The following CTBP2 variants were observed in gnomAD, a reference collection of about 807,000 sequenced individuals.
CTBP2 encodes the protein C-terminal-binding protein 2.
In CTBP2, 30 loss-of-function variants were observed where a neutral mutation model predicts 80.3. The observed-to-expected ratio is 0.37, with a 90% confidence interval of 0.28 to 0.51. The LOEUF is 0.51. Ranked by LOEUF, CTBP2 falls within the 20% of genes least tolerant of loss-of-function variation. CTBP2 has a pLI of 0.93. For synonymous variants in CTBP2, 594 were observed against 587.4 expected, an observed-to-expected ratio of 1.01 and a Z score of -0.16; for missense variants, 1,212 against 1,375.3, an observed-to-expected ratio of 0.88 and a Z score of 1.88.
intron 2 of CTBP2, among the ~76,000 whole-genome samples, chr10:125,054,905 G>A (rs115771627): frequency 0.014 from 2,113 of 152,238 alleles, 46 homozygotes; most frequent in African/African-American, 0.048. Context: ...ACAGCAATGC[G>A]TACAAGCTGA....
intron 1 of CTBP2, among the ~76,000 whole-genome samples, chr10:125,024,787 C>A (rs1431413990): frequency 1.3e-5 from 2 of 152,172 alleles, no homozygotes; most frequent in Non-Finnish European, 2.9e-5. Context: ...CAGGCACAGG[C>A]CCTCGGAAAA....
At chr10:125,157,478 G>C (rs2133513797) in intron 1 of CTBP2, among the ~76,000 whole-genome samples, 1 of 151,890 alleles carries the variant, frequency 6.6e-6, no homozygotes, top group Non-Finnish European at 1.5e-5. Context: ...AAACCACCTA[G>C]TCAGGTTCAA....
rs140101038 is a variant in CTBP2 at position 125,039,593 on chromosome 10, C to T, written c.-101-438G>A. Among the ~76,000 whole-genome samples the T allele has an allele frequency of 4.5e-3, 691 of 152,370 alleles. 8 individuals carry two copies. Among genetic ancestry groups the T allele is most frequent in the African/African-American group, 0.016 (672 of 41,588 alleles). On this transcript the variant is annotated intron_variant, in intron 2 of 10. Transcript: ENST00000337195. ...ACTCGAGGGGCTCTGCGAAGGCCTG[C>T]TGCCAGGTGAGTTACAACAATGCTT...
Position 125,026,989 on chromosome 10 carries a change from G to A in CTBP2, c.771C>T (p.Tyr257=), listed in dbSNP as rs962173880. 8.1e-6 allele frequency: 13 copies of A among 1,613,862 alleles called. No individual in the cohort carries two copies. Among genetic ancestry groups the A allele is most frequent in the African/African-American group, 4.0e-5 (3 of 74,944 alleles). ...ATGGGATGCTTTCCCGGGCAGGCCC[G>A]TAGCCACGATTCAGGGCCCCTGGGG... is the stretch of plus-strand genomic sequence containing the variant. The change falls in exon 1 of 9, where the codon TAC becomes TAT. Residue 257 remains tyrosine (Y), a synonymous_variant. Coordinates refer to ENST00000309035, the MANE Select transcript of CTBP2 (RefSeq NM_022802.3).
intron 1 of CTBP2, among the ~76,000 whole-genome samples, chr10:125,010,726 T>G (rs1424248793): frequency 6.6e-6 from 1 of 152,116 alleles, no homozygotes; most frequent in African/African-American, 2.4e-5. Context: ...GAAGACAGCA[T>G]GAGGAGAGAA....
intron 1 of CTBP2, among the ~76,000 whole-genome samples, chr10:125,142,632 G>A (rs759110148): frequency 4.6e-5 from 7 of 152,162 alleles, no homozygotes; most frequent in Non-Finnish European, 7.4e-5. Context: ...TTTCTACATA[G>A]GATTTTGAAA....
At chr10:125,092,396 G>A (rs989506423) in intron 2 of CTBP2, among the ~76,000 whole-genome samples, 7 of 151,940 alleles carry the variant, frequency 4.6e-5, no homozygotes, top group African/African-American at 1.7e-4. Flanking sequence ...CACCACGTTG[G>A]TCTCGAACTC....
intron 2 of CTBP2, among the ~76,000 whole-genome samples, chr10:125,076,251 C>A (rs989246154): frequency 2.0e-5 from 3 of 152,216 alleles, no homozygotes; most frequent in African/African-American, 7.2e-5. Flanking sequence ...AGGCTCCAAC[C>A]CTGTCAACTC....
At chr10:125,014,616 A>G (rs1164836314) in intron 1 of CTBP2, among the ~76,000 whole-genome samples, 1 of 152,256 alleles carries the variant, frequency 6.6e-6, no homozygotes. Flanking sequence ...AATGGCCCAA[A>G]TGCCCTGTGC....
chr10:125,016,772 TTCTC>T (rs905136571), intron 1 of CTBP2, among the ~76,000 whole-genome samples: 3 of 152,244 alleles, frequency 2.0e-5, no homozygotes, highest in Admixed American at 6.5e-5. Flanking sequence ...CTCTTCTTTC[TTCTC>T]TAACTTTTTC....
chr10:125,093,557 T>C (rs1849098145), intron 2 of CTBP2, among the ~76,000 whole-genome samples: 1 of 152,226 alleles, frequency 6.6e-6, no homozygotes, highest in African/African-American at 2.4e-5. Flanking sequence ...TTTACCACAC[T>C]TGAATTTATA....
intron 3 of CTBP2, among the ~76,000 whole-genome samples, chr10:125,033,954 C>A (rs1461305903): frequency 6.6e-6 from 1 of 152,106 alleles, no homozygotes; most frequent in Non-Finnish European, 1.5e-5. Context: ...AGCTGCAGAA[C>A]CAAACTAGAA....
chr10:125,072,634 GAA>G (rs55742060), intron 2 of CTBP2, among the ~76,000 whole-genome samples: 14,046 of 100,248 alleles, frequency 0.14, 714 homozygotes, highest in East Asian at 0.31. Context: ...AAAAAGAAAA[GAA>G]AAAAAAAAAA....
chr10:125,003,297 C>T (rs753535345), intron 2 of CTBP2, 41 bp downstream of exon 4: 1 of 1,597,676 alleles, frequency 6.3e-7, no homozygotes, highest in African/African-American at 1.4e-5. Context: ...AGGAAACTGC[C>T]CAAGGTCAGT....
At chr10:125,091,236 A>C (rs1476964911) in intron 2 of CTBP2, among the ~76,000 whole-genome samples, 1 of 152,228 alleles carries the variant, frequency 6.6e-6, no homozygotes, top group African/African-American at 2.4e-5. Context: ...ACAATCTGCC[A>C]TATCGAATGG....
chr10:125,091,104 C>T (rs190774022), intron 2 of CTBP2, among the ~76,000 whole-genome samples: 1 of 152,282 alleles, frequency 6.6e-6, no homozygotes, highest in African/African-American at 2.4e-5. Context: ...TAACACAAAC[C>T]AAAACCATAG....
chr10:124,996,702 A>C (rs1589941659), intron 4 of CTBP2: 1 of 151,760 alleles, frequency 6.6e-6, no homozygotes, highest in Non-Finnish European at 1.5e-5. Flanking sequence ...GCTCATGACC[A>C]CCCCCAGGCT....
At chr10:125,118,505 A>T (rs1405718478) in intron 1 of CTBP2, among the ~76,000 whole-genome samples, 1 of 152,092 alleles carries the variant, frequency 6.6e-6, no homozygotes. Flanking sequence ...CCACACAACG[A>T]CGTCATTTTG....
Position 125,005,798 on chromosome 10 carries a change from C to T in CTBP2, c.1679-2306G>A, listed in dbSNP as rs762060429. 5.3e-5 allele frequency: 85 copies of T among 1,611,528 alleles called. 1 individual carries two copies. The highest frequency in any genetic ancestry group is 9.3e-6 in the Non-Finnish European group (11 of 1,178,920). On this transcript the variant is annotated intron_variant, in intron 1 of 8. Coordinates refer to ENST00000309035, the MANE Select transcript of CTBP2 (RefSeq NM_022802.3). ...GCACAACCCTGTGGGGCCTGGAAGT[C>T]CTGGTCTCATGCCCCAGGCGGTCGC...
Sources: gnomAD v4.1 joint callset for allele counts (sites outside exome capture counted in the v4.1 genomes callset) on GRCh38, gnomAD v4.1.1 for gene constraint, MANE v1.5 for transcripts, NCBI Gene and HGNC (gene_info 2026-07-23, HGNC 2026-07-21) for gene names.